Variants in SPTBN5 observed in about 807,000 individuals in gnomAD.
SPTBN5 encodes spectrin beta chain, non-erythrocytic 5.
A neutral mutation model predicts 477.6 loss-of-function variants in SPTBN5; 513 were observed. That is an observed-to-expected ratio of 1.07 (90% confidence interval 1.00 to 1.16). The LOEUF (loss-of-function observed/expected upper bound fraction) is 1.16, where lower values mean the gene tolerates loss of function less well. Among genes scored for constraint, SPTBN5 ranks in the 50% most tolerant of loss-of-function variants. The probability of loss-of-function intolerance (pLI) is 0.00; values close to 1 mark genes in which losing one functional copy is unlikely to be tolerated. For missense variants in SPTBN5, 5,062 were observed against 4,731.8 expected, an observed-to-expected ratio of 1.07 and a Z score of -2.05; for synonymous variants, 2,169 against 2,011.7, an observed-to-expected ratio of 1.08 and a Z score of -2.09.
At chr15:41,862,319 G>A (rs530835537) in intron 43 of SPTBN5, 27 bp from the exon 44 acceptor site, 23 of 1,567,806 alleles carry the variant, frequency 1.5e-5, no homozygotes, top group African/African-American at 4.1e-5. Flanking sequence ...TCAGCTAGTC[G>A]TCAGGCCTTC....
rs73403296 is a variant in SPTBN5 at position 41,851,361 on chromosome 15, C to T, written c.10665G>A (p.Ser3555=). 9.7e-6 allele frequency: 15 copies of T among 1,550,648 alleles called. No individual in the cohort carries two copies. The highest frequency in any genetic ancestry group is 3.6e-5 in the South Asian group (3 of 84,040). The change falls in exon 64 of 68, where the codon TCG becomes TCA. Residue 3555 remains serine (S), a synonymous_variant. Transcript: ENST00000320955. ...TCCCGCGGCAGCTGTCCCAGGAGCT[C>T]GAGCTAGGCTGTGGAGAGGAGGCGG... ...HLLPGGRQPS[S]SSWDSCRGNL... is the part of the protein sequence containing the mutation.
Position 41,861,784 on chromosome 15 carries a change from C to T in SPTBN5, c.7688G>A (p.Gly2563Glu), listed in dbSNP as rs1214129445. 3 of 1,561,664 alleles carry T rather than the reference C, an allele frequency of 1.9e-6. No individual in the cohort carries two copies. Among genetic ancestry groups the T allele is most frequent in the South Asian group, 2.3e-5 (2 of 85,494 alleles). ...CTGTAGCTGATGCTCCTGCCAGGCC[C>T]CTTCCAGGCTGCTCAGCTCCTGTTC... ...GLEQELSSLE[G>E]AWQEHQLQLQ... The change falls in exon 45 of 68, where the codon GGG becomes GAG. Residue 2563 changes from glycine (G) to glutamate (E), a missense_variant. Physicochemically the swap from Gly to Glu is moderately conservative, Grantham distance 98. Coordinates refer to ENST00000320955, the MANE Select transcript of SPTBN5 (RefSeq NM_016642.4).
chr15:41,874,947 C>G lies in SPTBN5; in HGVS notation c.4397G>C (p.Ser1466Thr). 6.2e-7 allele frequency: 1 copy of G among 1,613,648 alleles called. No homozygotes were observed. Among genetic ancestry groups the G allele is most frequent in the Non-Finnish European group, 8.5e-7 (1 of 1,179,876 alleles). Residue 1466 changes from serine to threonine, a missense_variant, in exon 23 of 68, where the codon AGT (serine) becomes ACT (threonine). Physicochemically the swap from Ser to Thr is moderately conservative, Grantham distance 58 (BLOSUM62 1). Transcript: ENST00000320955. ...RLQKRHQQLE[S>T]ESRTLAAKMA... ...CTTGGCAGCCAGGGTCCGGCTCTCA[C>G]TCTCCAGCTGTTGGTGCCGTTTCTG...
Position 41,858,589 on chromosome 15 carries a change from T to C in SPTBN5, c.8226+13A>G, listed in dbSNP as rs776364944. 3.1e-6 allele frequency: 5 copies of C among 1,607,440 alleles called. No homozygotes were observed. Among genetic ancestry groups the C allele is most frequent in the Admixed American group, 1.7e-5 (1 of 59,614 alleles). Reference sequence around the variant, plus strand: ...AGAGCTGTCCCACCACCCTCCTGCCTGCAGGGCCTCACCCGCTGCAGCTCC... The same window carrying C: ...AGAGCTGTCCCACCACCCTCCTGCCCGCAGGGCCTCACCCGCTGCAGCTCC... On this transcript the variant is annotated intron_variant, in intron 49 of 67. Coordinates refer to ENST00000320955, the MANE Select transcript of SPTBN5 (RefSeq NM_016642.4).
chr15:41,865,057 A>T (rs563328264), intron 39 of SPTBN5, among the ~76,000 whole-genome samples: 1 of 152,346 alleles, frequency 6.6e-6, no homozygotes, highest in African/African-American at 2.4e-5. Flanking sequence ...TCCACCATTA[A>T]CAAGGGATGT....
At position 41,886,023 on chromosome 15, in the gene SPTBN5, C is replaced by A. The variant is rs759293335; in HGVS notation, c.1232G>T (p.Ser411Ile). Residue 411 changes from serine (S) to isoleucine (I), a missense_variant, in exon 7 of 68, where the codon AGC becomes ATC. Physicochemically the swap from Ser to Ile is moderately radical, Grantham distance 142 (BLOSUM62 -2). Coordinates refer to ENST00000320955, the MANE Select transcript of SPTBN5 (RefSeq NM_016642.4). ...CAGTAGCCTCTGCTGCAGGGCCTGGCTCCTTGCAGCCTCTGCCCACTCCAG... is the reference window on the plus strand; with the variant it reads ...CAGTAGCCTCTGCTGCAGGGCCTGGATCCTTGCAGCCTCTGCCCACTCCAG... ...AGLEWAEAAR[S>I]QALQQRLLQL... is the part of the protein sequence containing the mutation. The A allele has an allele frequency of 8.3e-6, 13 of 1,558,112 alleles. No homozygotes were observed. The South Asian group carries it at 1.1e-4, about 13-fold the overall frequency.
chr15:41,861,913 T>C lies in SPTBN5; in HGVS notation c.7559A>G (p.Asp2520Gly). The change falls in exon 45 of 68, where the codon GAC (aspartate) becomes GGC (glycine). Residue 2520 changes from aspartate to glycine, a missense_variant. Coordinates refer to ENST00000320955, the MANE Select transcript of SPTBN5 (RefSeq NM_016642.4). ...EEHQECKAELDSWTDSISLAR... is the reference protein window; with the variant it reads ...EEHQECKAELGSWTDSISLAR... ...CAGGCTGATGCTGTCTGTCCAGGAG[T>C]CCAGCTCGGCCTGGAACAGGACTGG... 1 of 1,602,772 alleles carries C rather than the reference T, an allele frequency of 6.2e-7. No individual in the cohort carries two copies. The highest frequency in any genetic ancestry group is 1.1e-5 in the South Asian group (1 of 89,578).
intron 29 of SPTBN5, among the ~76,000 whole-genome samples, chr15:41,870,955 T>C (rs1241293967): frequency 1.3e-5 from 2 of 152,252 alleles, no homozygotes; most frequent in African/African-American, 2.4e-5. Flanking sequence ...CAGGCCAGGC[T>C]CTGGGCTAGG....
At chr15:41,872,993 C>T (rs572520414) in intron 26 of SPTBN5, among the ~76,000 whole-genome samples, 1 of 152,286 alleles carries the variant, frequency 6.6e-6, no homozygotes, top group South Asian at 2.1e-4. Context: ...GGCTTTGAAG[C>T]TTGTGTGGTT....
chr15:41,870,607 G>A (rs903655972), intron 29 of SPTBN5, 47 bp from the exon 30 acceptor site: 19 of 1,507,616 alleles, frequency 1.3e-5, no homozygotes, highest in Admixed American at 1.8e-5. Flanking sequence ...CTGCCGGGCC[G>A]TGTCATTCCT....
rs542603385 is a variant in SPTBN5 at position 41,853,307 on chromosome 15, C to G, written c.10121G>C (p.Arg3374Pro). The change falls in exon 59 of 68, where the codon CGG becomes CCG. Residue 3374 changes from arginine to proline, a missense_variant. Arg to Pro is a moderately radical substitution (Grantham distance 103, BLOSUM62 -2). Transcript: ENST00000320955. ...GTCCACCAGCTGCTGTCCTTCCTGC[C>G]GCAGGTCCTGGGCTTGAAGGCGGCA... ...RECRLQAQDLRQEGQQLVDNS... is the reference protein window; with the variant it reads ...RECRLQAQDLPQEGQQLVDNS... 1 of 1,611,986 alleles carries G rather than the reference C, an allele frequency of 6.2e-7. No individual in the cohort carries two copies. Among genetic ancestry groups the G allele is most frequent in the African/African-American group, 1.3e-5 (1 of 75,048 alleles).
At chr15:41,850,019 C>G in intron 66 of SPTBN5, 60 bp from the exon 67 acceptor site, 1 of 1,366,204 alleles carries the variant, frequency 7.3e-7, no homozygotes, top group Non-Finnish European at 1.0e-6. Context: ...GGCGCCAGGT[C>G]TGGCTGCTCC....
chr15:41,875,676 T>C, intron 21 of SPTBN5, 54 bp from the exon 22 acceptor site: 1 of 1,515,978 alleles, frequency 6.6e-7, no homozygotes, highest in Non-Finnish European at 8.9e-7. Flanking sequence ...GTACCACCAG[T>C]GGCCGCAGCA....
At position 41,857,684 on chromosome 15, in the gene SPTBN5, G is replaced by GC. The variant is rs749343988; in HGVS notation, c.8252dup (p.His2752ProfsTer20). The GC allele has an allele frequency of 7.0e-6, 11 of 1,580,444 alleles. No individual in the cohort carries two copies. The highest frequency in any genetic ancestry group is 9.4e-6 in the Non-Finnish European group (11 of 1,164,620). On this transcript the variant is annotated frameshift_variant, in exon 50 of 68. Coordinates refer to ENST00000320955, the MANE Select transcript of SPTBN5 (RefSeq NM_016642.4). LOFTEE classifies it high-confidence loss of function. The stretch of plus-strand genomic sequence containing the variant: ...CCTGGATGGCCTCCGAGGCTGGGTG[G>GC]CCCCCCTGCAGCAGCCTCTGTCCCT...
At position 41,867,048 on chromosome 15, in the gene SPTBN5, G is replaced by A. The variant is rs754285442; in HGVS notation, c.6391C>T (p.Arg2131Trp). The A allele has an allele frequency of 7.1e-6, 11 of 1,552,286 alleles. No individual in the cohort carries two copies. The highest frequency in any genetic ancestry group is 1.7e-4 in the Middle Eastern group (1 of 5,742). ...TCCGCCAGCTCCTTCACTCTCATCC[G>A]GCGCTGCAGCAGGATGGGAAGCCGG... ...RDRLPILLQRRMRVKELAESR... is the reference protein window; with the variant it reads ...RDRLPILLQRWMRVKELAESR... The change falls in exon 36 of 68, where the codon CGG (arginine) becomes TGG (tryptophan). Residue 2131 changes from arginine (R) to tryptophan (W), a missense_variant. Coordinates refer to ENST00000320955, the MANE Select transcript of SPTBN5 (RefSeq NM_016642.4).
intron 49 of SPTBN5, among the ~76,000 whole-genome samples, chr15:41,858,322 C>T (rs1567189614): frequency 6.6e-6 from 1 of 151,780 alleles, no homozygotes; most frequent in Non-Finnish European, 1.5e-5. Context: ...TTGACTCCTT[C>T]GCTCACAGGA....
rs772004712 is a variant in SPTBN5 at position 41,878,507 on chromosome 15, T to A, written c.3305A>T (p.Gln1102Leu). 3.1e-6 allele frequency: 5 copies of A among 1,613,234 alleles called. No homozygotes were observed. Among genetic ancestry groups the A allele is most frequent in the Non-Finnish European group, 4.2e-6 (5 of 1,179,774 alleles). Residue 1102 changes from glutamine to leucine, a missense_variant, in exon 17 of 68, where the codon CAG becomes CTG. Gln to Leu is a moderately radical substitution (Grantham distance 113). Coordinates refer to ENST00000320955, the MANE Select transcript of SPTBN5 (RefSeq NM_016642.4). The stretch of plus-strand genomic sequence containing the variant: ...CTCTTGCAGGAAGCTCTGCCGGGCC[T>A]GAGTCTCAGCCTGGCGCCGGGCCCG... ...AQRARRQAET[Q>L]ARQSFLQESQ...
chr15:41,874,360 G>A lies in SPTBN5; in HGVS notation c.4621C>T (p.Pro1541Ser), dbSNP rs2066647014. The A allele has an allele frequency of 6.2e-7, 1 of 1,613,882 alleles. No homozygotes were observed. The highest frequency in any genetic ancestry group is 8.5e-7 in the Non-Finnish European group (1 of 1,179,876). ...MELSWVAEHM[P>S]HGSPTSYTEC... ...GTATAGCTGGTGGGGCTGCCATGGG[G>A]CATGTGCTCGGCTACCCAAGAGAGC... The change falls in exon 24 of 68, where the codon CCC (proline) becomes TCC (serine). Residue 1541 changes from proline (P) to serine (S), a missense_variant. Coordinates refer to ENST00000320955, the MANE Select transcript of SPTBN5 (RefSeq NM_016642.4).
chr15:41,866,436 C>T lies in SPTBN5; in HGVS notation c.6538G>A (p.Asp2180Asn), dbSNP rs1595468469. The change falls in exon 37 of 68, where the codon GAC (aspartate) becomes AAC (asparagine). Residue 2180 changes from aspartate to asparagine, a missense_variant. By Grantham distance (23) the Asp-to-Asn change is conservative (BLOSUM62 1). Transcript: ENST00000320955. ...AGGGGCTTCAGCTTATCTCTCAGGT[C>T]CCCAGGAGGGACCGGCTCCTTCAGC... is the stretch of plus-strand genomic sequence containing the variant. ...QQLKEPVPPG[D>N]LRDKLKPLLK... 6.2e-7 allele frequency: 1 copy of T among 1,607,678 alleles called. No individual in the cohort carries two copies. Among genetic ancestry groups the T allele is most frequent in the South Asian group, 1.1e-5 (1 of 90,078 alleles).
Sources: allele counts gnomAD v4.1 joint callset (sites outside exome capture counted in the v4.1 genomes callset), GRCh38; gene constraint gnomAD v4.1.1; transcripts MANE v1.5; gene names NCBI Gene and HGNC (gene_info 2026-07-23, HGNC 2026-07-21).